The following PPP1CC variants were observed in gnomAD, a reference collection of about 807,000 sequenced individuals.
PPP1CC encodes the protein serine/threonine-protein phosphatase PP1-gamma catalytic subunit.
A neutral mutation model predicts 38.4 loss-of-function variants in PPP1CC; 16 were observed. The observed-to-expected ratio is 0.42, with a 90% CI of 0.28 to 0.63. PPP1CC has a LOEUF of 0.63. Among genes scored for constraint, PPP1CC ranks in the 30% least tolerant of loss-of-function variants. The pLI is 0.25. For synonymous variants in PPP1CC, 158 were observed against 136.0 expected (o/e 1.16, Z -1.13); for missense variants, 170 against 391.3 (o/e 0.43, Z 4.77).
At chr12:110,712,937 G>A in the PPP1CC span, among the ~76,000 whole-genome samples, 2 of 151,938 alleles carry the variant, frequency 1.3e-5, no homozygotes, top group Admixed American at 6.6e-5. Context: ...GCCAGGCGTG[G>A]TGGCATATGC....
chr12:110,728,560 G>A (rs1038963197), intron 3 of PPP1CC, among the ~76,000 whole-genome samples: 8 of 152,106 alleles, frequency 5.3e-5, no homozygotes, highest in Non-Finnish European at 1.0e-4. Flanking sequence ...ACAGGTGGTA[G>A]TAAGCTATGA....
At position 110,722,515 on chromosome 12, in the gene PPP1CC, A is replaced by AAATCATGCTT. The variant is rs761704748; in HGVS notation, c.703_704insAAGCATGATT (p.Phe235Ter). The AAATCATGCTT allele has an allele frequency of 6.2e-7, 1 of 1,614,240 alleles. No individual in the cohort carries two copies. The highest frequency in any genetic ancestry group is 8.5e-7 in the Non-Finnish European group (1 of 1,180,036). ...AAGATCCAAATCATGCTTATGGAGA[A>AAATCATGCTT]ATTTTGCAACCACTTCTGCACCAAA... On this transcript the variant is annotated stop_gained and frameshift_variant, in exon 5 of 7. Coordinates refer to ENST00000335007, the MANE Select transcript of PPP1CC (RefSeq NM_002710.4). LOFTEE classifies it high-confidence loss of function. The surrounding 1 kb of genome is among the most constrained non-coding windows in gnomAD (Gnocchi z 5.4).
chr12:110,717,598 G>A (rs1467815377), downstream of PPP1CC, among the ~76,000 whole-genome samples: 5 of 151,818 alleles, frequency 3.3e-5, no homozygotes, highest in South Asian at 2.1e-4. Flanking sequence ...GGGTTTCACC[G>A]TGTTAGCCAG....
At chr12:110,724,380 G>A (rs2069772077) in intron 4 of PPP1CC, among the ~76,000 whole-genome samples, 2 of 152,164 alleles carry the variant, frequency 1.3e-5, no homozygotes, top group South Asian at 4.1e-4. Context: ...GGGCAACGTG[G>A]TGAGAACTCA....
In PPP1CC at chr12:110,719,987, T is replaced by C; in HGVS notation, c.*1089A>G. On this transcript the variant is annotated 3_prime_UTR_variant, in exon 7 of 7. Transcript: ENST00000335007. Reference sequence around the variant, plus strand: ...ACGGTCATCTGTTGAAACAGATTTCTTTTTTAACAGATCTTAGTTTAAAAA... The same window carrying C: ...ACGGTCATCTGTTGAAACAGATTTCCTTTTTAACAGATCTTAGTTTAAAAA... The C allele has an allele frequency of 3.0e-6, 2 of 656,124 alleles. No homozygotes were observed. Among genetic ancestry groups the C allele is most frequent in the Non-Finnish European group, 5.1e-6 (2 of 390,690 alleles). The allele number at this position is 656,124 out of a possible 1,614,324, so 40.6% of individuals were successfully genotyped here.
downstream of PPP1CC, among the ~76,000 whole-genome samples, chr12:110,714,680 C>T (rs534737376): frequency 1.0e-3 from 154 of 151,520 alleles, no homozygotes; most frequent in Non-Finnish European, 1.9e-3. Context: ...GTGGCACGCA[C>T]CTGTAATCCC....
At chr12:110,742,567 C>T (rs1359049149) in intron 1 of PPP1CC, 86 bp downstream of exon 1, 6 of 1,191,054 alleles carry the variant, frequency 5.0e-6, no homozygotes, top group Non-Finnish European at 6.6e-6. Context: ...CCCAACCGGC[C>T]TCCCAACTCC....
intron 4 of PPP1CC, 80 bp downstream of exon 4, chr12:110,724,580 A>G: frequency 1.2e-6 from 1 of 809,972 alleles, no homozygotes; most frequent in Non-Finnish European, 2.1e-6. Flanking sequence ...AAGTCATCCC[A>G]ATGATAACTC....
chr12:110,739,635 A>C (rs555239570), intron 1 of PPP1CC, among the ~76,000 whole-genome samples: 1 of 152,298 alleles, frequency 6.6e-6, no homozygotes, highest in African/African-American at 2.4e-5. Flanking sequence ...TAAATCACTA[A>C]AACAAGTCAG....
chr12:110,710,528 C>T, the PPP1CC span, among the ~76,000 whole-genome samples: 16 of 151,202 alleles, frequency 1.1e-4, no homozygotes, highest in East Asian at 2.9e-3. Flanking sequence ...ACCATCCTGG[C>T]TAACATGGTG....
chr12:110,734,668 A>T (rs991308725), intron 1 of PPP1CC: 1 of 153,710 alleles, frequency 6.5e-6, no homozygotes, highest in Non-Finnish European at 1.5e-5. Context: ...ATGAGCAAAA[A>T]GCCTGTTTCT....
At chr12:110,724,789 ATTAAAAAGAGAGTATTACT>A in intron 3 of PPP1CC, 25 bp from the exon 4 acceptor site, 1 of 1,388,412 alleles carries the variant, frequency 7.2e-7, no homozygotes, top group Non-Finnish European at 1.0e-6. Flanking sequence ...AGAGTATTAC[ATTAAAAAGAGAGTATTACT>A]GTTCCGTAGG....
downstream of PPP1CC, among the ~76,000 whole-genome samples, chr12:110,717,262 T>G (rs2136532248): frequency 6.6e-6 from 1 of 152,326 alleles, no homozygotes; most frequent in East Asian, 1.9e-4. Context: ...CAGTCTGGGC[T>G]GATGCATACA....
Position 110,722,705 on chromosome 12 carries a change from G to T in PPP1CC, c.524-10C>A. On this transcript the variant is annotated splice_polypyrimidine_tract_variant and intron_variant, in intron 4 of 6. Transcript: ENST00000335007. The surrounding 1 kb of genome is among the most constrained non-coding windows in gnomAD (Gnocchi z 5.4). The stretch of plus-strand genomic sequence containing the variant: ...AGATCTGGTGATAAACCTATTCAAT[G>T]AGGAAAAAAAAAAAATGAAGAAAGC... 1 of 1,542,308 alleles carries T rather than the reference G, an allele frequency of 6.5e-7. No individual in the cohort carries two copies. The highest frequency in any genetic ancestry group is 1.2e-5 in the South Asian group (1 of 81,350).
Position 110,742,648 on chromosome 12 carries a change from C to T in PPP1CC, c.55+5G>A, listed in dbSNP as rs772657965. The T allele has an allele frequency of 3.9e-4, 573 of 1,482,702 alleles. 2 individuals are homozygous for T. The highest frequency in any genetic ancestry group is 1.2e-3 in the South Asian group (88 of 74,058). The allele number at this position is 1,482,702 out of a possible 1,614,324, so 91.8% of individuals were successfully genotyped here. On this transcript the variant is annotated splice_donor_5th_base_variant and intron_variant, in intron 1 of 6. Transcript: ENST00000335007. The stretch of plus-strand genomic sequence containing the variant: ...CCCCCTTCAGCCGCCCGCCGCCCCC[C>T]TTACCTTCCAGCAGCCGTTGGATAA...
At chr12:110,711,690 C>G in the PPP1CC span, among the ~76,000 whole-genome samples, 1 of 151,928 alleles carries the variant, frequency 6.6e-6, no homozygotes, top group African/African-American at 2.4e-5. Context: ...TTTGGGAGGC[C>G]GAGGCAGGAG....
the PPP1CC span, among the ~76,000 whole-genome samples, chr12:110,710,503 G>GGTCA: frequency 6.6e-6 from 1 of 151,276 alleles, no homozygotes; most frequent in South Asian, 2.1e-4. Context: ...TGGATCACAA[G>GGTCA]GTCAGAAGAT....
the PPP1CC span, among the ~76,000 whole-genome samples, chr12:110,713,360 C>A: frequency 6.6e-6 from 1 of 152,012 alleles, no homozygotes; most frequent in South Asian, 2.1e-4. Context: ...TTTGAACTCT[C>A]GAGCTCAGGC....
intron 3 of PPP1CC, among the ~76,000 whole-genome samples, chr12:110,728,382 A>T (rs2069831218): frequency 6.8e-6 from 1 of 147,826 alleles, no homozygotes; most frequent in African/African-American, 2.5e-5. Context: ...TGGGCGACAG[A>T]GCGAGACTCC....
Sources: allele counts gnomAD v4.1 joint callset (sites outside exome capture counted in the v4.1 genomes callset), GRCh38; gene constraint gnomAD v4.1.1; non-coding constraint Gnocchi (gnomAD v3.1); transcripts MANE v1.5; gene names NCBI Gene and HGNC (gene_info 2026-07-23, HGNC 2026-07-21).